The following HERC3 variants were observed in gnomAD, a reference collection of about 807,000 sequenced individuals.
HERC3 encodes the protein HECT and RLD domain containing E3 ubiquitin protein ligase 3.
Under a neutral mutation model 129.9 loss-of-function variants are expected in HERC3, and 58 were observed. The ratio of observed to expected loss-of-function variants is 0.45; its 90% CI spans 0.36 to 0.56. The LOEUF (loss-of-function observed/expected upper bound fraction) is 0.56. Among genes scored for constraint, HERC3 ranks in the 20% least tolerant of loss-of-function variants. The pLI is 0.00. For synonymous variants in HERC3, 430 were observed against 451.0 expected, an observed-to-expected ratio of 0.95 and a Z score of 0.59; for missense variants, 835 against 1,244.2, an observed-to-expected ratio of 0.67 and a Z score of 4.95.
At chr4:88,642,489 C>T (rs1260980013) in intron 3 of HERC3, among the ~76,000 whole-genome samples, 1 of 152,160 alleles carries the variant, frequency 6.6e-6, no homozygotes, top group African/African-American at 2.4e-5. Flanking sequence ...GGTGCTATAA[C>T]AAAAATATCA....
At chr4:88,620,428 C>T (rs1418044146) in intron 3 of HERC3, among the ~76,000 whole-genome samples, 1 of 152,142 alleles carries the variant, frequency 6.6e-6, no homozygotes, top group Non-Finnish European at 1.5e-5. Context: ...TTCTTCAGGC[C>T]AAAAACCTTG....
intron 16 of HERC3, among the ~76,000 whole-genome samples, chr4:88,672,608 T>C (rs1464049961): frequency 1.3e-5 from 2 of 152,206 alleles, no homozygotes; most frequent in Non-Finnish European, 2.9e-5. Context: ...GCTGAGGCTG[T>C]GTAGTATATT....
At chr4:88,658,582 G>A (rs1161462737) in intron 10 of HERC3, 91 bp downstream of exon 10, 15 of 625,592 alleles carry the variant, frequency 2.4e-5, no homozygotes, top group Admixed American at 2.3e-4. Flanking sequence ...AAAGAGCAAT[G>A]TTACTCTTTG....
At chr4:88,693,294 A>C (rs547875006) in intron 23 of HERC3, 1 of 971,710 alleles carries the variant, frequency 1.0e-6, no homozygotes, top group East Asian at 1.1e-4. Context: ...ATAAGGTCTC[A>C]GGGGTGAAAT....
At chr4:88,531,713 G>A in the HERC3 span, among the ~76,000 whole-genome samples, 1 of 152,174 alleles carries the variant, frequency 6.6e-6, no homozygotes, top group African/African-American at 2.4e-5. Flanking sequence ...CTGCCAGCTA[G>A]ATACACACAC....
chr4:88,589,110 A>C (rs1560642060), upstream of HERC3, among the ~76,000 whole-genome samples: 1 of 151,752 alleles, frequency 6.6e-6, no homozygotes, highest in Non-Finnish European at 1.5e-5. Context: ...GTGTGTGTGT[A>C]TTTGGAGTCT....
the HERC3 span, among the ~76,000 whole-genome samples, chr4:88,539,675 C>T: frequency 1.3e-5 from 2 of 152,184 alleles, no homozygotes; most frequent in African/African-American, 4.8e-5. Flanking sequence ...GCGACAGACA[C>T]CTCATACAGG....
At chr4:88,546,392 T>C in the HERC3 span, among the ~76,000 whole-genome samples, 74 of 152,210 alleles carry the variant, frequency 4.9e-4, no homozygotes, top group Middle Eastern at 3.2e-3. Flanking sequence ...GCTATCTATA[T>C]GCCAGGAAAA....
At chr4:88,687,148 T>C in intron 22 of HERC3, 69 bp from the exon 23 acceptor site, 1 of 1,159,758 alleles carries the variant, frequency 8.6e-7, no homozygotes, top group Non-Finnish European at 1.3e-6. Context: ...CCTCTCTCAG[T>C]CATTTGAGTT....
chr4:88,524,012 T>G, the HERC3 span: 6 of 382,532 alleles, frequency 1.6e-5, no homozygotes, highest in Non-Finnish European at 2.8e-5. Context: ...CCGGGGCCTG[T>G]CCAAGGATGC....
chr4:88,569,384 C>T, the HERC3 span, among the ~76,000 whole-genome samples: 1 of 152,164 alleles, frequency 6.6e-6, no homozygotes, highest in Non-Finnish European at 1.5e-5. Flanking sequence ...TCTTTCCTAC[C>T]CCCTTAAGTG....
At chr4:88,585,428 C>T in the HERC3 span, among the ~76,000 whole-genome samples, 14 of 151,892 alleles carry the variant, frequency 9.2e-5, no homozygotes, top group South Asian at 2.1e-4. Flanking sequence ...ATATAAATCA[C>T]GACACTAAGT....
chr4:88,628,748 C>G (rs1390028682), intron 3 of HERC3, among the ~76,000 whole-genome samples: 3 of 152,132 alleles, frequency 2.0e-5, no homozygotes, highest in Non-Finnish European at 4.4e-5. Context: ...AAATAACATA[C>G]AGTTTAAAAT....
the HERC3 span, among the ~76,000 whole-genome samples, chr4:88,526,353 T>C: frequency 2.0e-5 from 3 of 152,116 alleles, no homozygotes; most frequent in Non-Finnish European, 4.4e-5. Flanking sequence ...AATTCCAAAT[T>C]TGGGGGCATT....
chr4:88,699,436 GTCT>G lies in HERC3; in HGVS notation c.2658-4657_2658-4655del, dbSNP rs1342213581. Reference sequence around the variant, plus strand: ...CGGTCTTCACCACCTTCCCCCAACCGTCTTCTTTACCCTGCTCACCATCTTCTT... The same window carrying G: ...CGGTCTTCACCACCTTCCCCCAACCGTCTTTACCCTGCTCACCATCTTCTT... On this transcript the variant is annotated intron_variant, in intron 23 of 25. Transcript: ENST00000402738. Among the ~76,000 whole-genome samples, 8 of 129,926 alleles carry G rather than the reference GTCT, an allele frequency of 6.2e-5. No individual in the cohort carries two copies. The East Asian group carries it at 1.8e-3, about 30-fold the overall frequency. The allele number at this position is 129,926 out of a possible 152,430, so 85.2% of individuals were successfully genotyped here. A position where few individuals can be genotyped will look rare whatever the true frequency, so the allele number is the denominator to read the frequency against.
chr4:88,591,492 G>C (rs1013037012), upstream of HERC3, among the ~76,000 whole-genome samples: 1 of 152,112 alleles, frequency 6.6e-6, no homozygotes, highest in African/African-American at 2.4e-5. Context: ...TCCTCAAAGG[G>C]CCTTCCTGCT....
intron 2 of HERC3, among the ~76,000 whole-genome samples, chr4:88,603,159 C>A (rs1013829972): frequency 3.3e-5 from 5 of 151,738 alleles, no homozygotes; most frequent in Non-Finnish European, 5.9e-5. Flanking sequence ...GTTTACTGGC[C>A]AGGTTCCAAA....
At chr4:88,654,521 AAGAC>A (rs1202424226) in intron 7 of HERC3, among the ~76,000 whole-genome samples, 1 of 147,486 alleles carries the variant, frequency 6.8e-6, no homozygotes, top group Non-Finnish European at 1.5e-5. Context: ...TTATGGAACA[AAGAC>A]AGCACTTTGT....
chr4:88,677,864 G>A lies in HERC3; in HGVS notation c.2026-100G>A, dbSNP rs1732334280. On this transcript the variant is annotated intron_variant, in intron 18 of 25. Coordinates refer to ENST00000402738, the MANE Select transcript of HERC3 (RefSeq NM_014606.3). ...AAGAGGGAAAAAAATTAACAAAATG[G>A]AGATGCAGTCAGCGCCCCCAAGTCC... 3 of 979,440 alleles carry A rather than the reference G, an allele frequency of 3.1e-6. No individual in the cohort carries two copies. In the Admixed American group the frequency reaches 6.6e-5, roughly 22 times the overall value. 60.7% of individuals were successfully genotyped at this position (979,440 alleles called of 1,614,324 possible). A position where few individuals can be genotyped will look rare whatever the true frequency, so the allele number is the denominator to read the frequency against.
Sources: allele counts gnomAD v4.1 joint callset (sites outside exome capture counted in the v4.1 genomes callset), GRCh38; gene constraint gnomAD v4.1.1; transcripts MANE v1.5; gene names NCBI Gene and HGNC (gene_info 2026-07-23, HGNC 2026-07-21).